HCN1: variants seen among roughly 807,000 people sequenced by gnomAD.
HCN1 encodes potassium/sodium hyperpolarization-activated cyclic nucleotide-gated channel 1.
HCN1 carries 13 observed loss-of-function variants against 78.9 expected under a neutral mutation model. That is an observed-to-expected ratio of 0.16 (90% CI 0.11 to 0.26). The LOEUF (loss-of-function observed/expected upper bound fraction) is 0.26. Ranked by LOEUF, HCN1 falls within the 10% of genes least tolerant of loss-of-function variation. The pLI, the probability that HCN1 is intolerant of heterozygous loss-of-function variation, is 1.00. For synonymous variants in HCN1, 552 were observed against 455.5 expected (o/e 1.21, Z -2.70); for missense variants, 810 against 1,154.3 (o/e 0.70, Z 4.32).
chr5:45,622,532 GGAGA>G (rs898834943), intron 2 of HCN1, among the ~76,000 whole-genome samples: 6 of 151,952 alleles, frequency 3.9e-5, no homozygotes, highest in Middle Eastern at 3.2e-3. Flanking sequence ...AGAGCCAGCT[GGAGA>G]GAGAGAGACA....
At chr5:45,488,007 T>C (rs994955248) in intron 2 of HCN1, among the ~76,000 whole-genome samples, 2 of 152,072 alleles carry the variant, frequency 1.3e-5, no homozygotes, top group Non-Finnish European at 2.9e-5. Flanking sequence ...GACTAGAGAG[T>C]ATACAACGTG....
At chr5:45,351,140 AG>A in intron 5 of HCN1, among the ~76,000 whole-genome samples, 1 of 152,268 alleles carries the variant, frequency 6.6e-6, no homozygotes, top group East Asian at 1.9e-4. Context: ...ACAAGTCTAC[AG>A]TAACCAAAAC....
At chr5:45,494,008 C>T (rs1229122943) in intron 2 of HCN1, among the ~76,000 whole-genome samples, 4 of 152,092 alleles carry the variant, frequency 2.6e-5, no homozygotes, top group East Asian at 1.9e-4. Context: ...CATTGTTGGA[C>T]ATTTGGCTTG....
chr5:45,495,769 C>T (rs867286404), intron 2 of HCN1, among the ~76,000 whole-genome samples: 107 of 152,222 alleles, frequency 7.0e-4, no homozygotes, highest in Middle Eastern at 3.4e-3. Context: ...TTTTGAAATA[C>T]GTCCCATGAA....
In HCN1 at chr5:45,332,440, AT is replaced by A. The variant is rs879828826; in HGVS notation, c.1377+20659del. On this transcript the variant is annotated intron_variant, in intron 5 of 7. Transcript: ENST00000303230. ...ATACTAGATCTTATTCATTCTTTCT[AT>A]TTTTTTTTTTCGTACCCATTAACCA... Among the ~76,000 whole-genome samples, 995 of 143,556 alleles carry A rather than the reference AT, an allele frequency of 6.9e-3. 5 individuals are homozygous for A. The highest frequency in any genetic ancestry group is 9.6e-3 in the Non-Finnish European group (622 of 64,982). The allele number at this position is 143,556 out of a possible 152,430, so 94.2% of individuals were successfully genotyped here.
intron 2 of HCN1, among the ~76,000 whole-genome samples, chr5:45,544,849 C>T (rs1459461787): frequency 1.3e-5 from 2 of 152,016 alleles, no homozygotes; most frequent in East Asian, 1.9e-4. Flanking sequence ...CAGTCTATCA[C>T]TGATGGACAT....
intron 1 of HCN1, among the ~76,000 whole-genome samples, chr5:45,663,629 C>T (rs895171396): frequency 3.3e-4 from 50 of 149,684 alleles, no homozygotes; most frequent in Non-Finnish European, 5.5e-4. Flanking sequence ...CAAACAACCC[C>T]ATCAAAAAGT....
At chr5:45,392,740 C>T (rs191646179) in intron 4 of HCN1, among the ~76,000 whole-genome samples, 5 of 151,202 alleles carry the variant, frequency 3.3e-5, no homozygotes, top group East Asian at 1.9e-4. Context: ...GAGCCAAGAT[C>T]GCGCCACAGC....
intron 2 of HCN1, among the ~76,000 whole-genome samples, chr5:45,619,637 G>C (rs80324452): frequency 2.0e-5 from 3 of 151,222 alleles, no homozygotes; most frequent in African/African-American, 4.9e-5. Flanking sequence ...AAGAAATGAG[G>C]GAGATAGAAA....
intron 1 of HCN1, among the ~76,000 whole-genome samples, chr5:45,647,859 C>T (rs184478984): frequency 6.6e-6 from 1 of 152,304 alleles, no homozygotes; most frequent in Non-Finnish European, 1.5e-5. Context: ...TCCAATTGAT[C>T]ACCAAGGCTG....
intron 2 of HCN1, among the ~76,000 whole-genome samples, chr5:45,604,417 A>T (rs2111968895): frequency 6.6e-6 from 1 of 152,076 alleles, no homozygotes; most frequent in African/African-American, 2.4e-5. Flanking sequence ...AGTTAGGAAC[A>T]TGAAAGAAAG....
Position 45,684,132 on chromosome 5 carries a change from C to T in HCN1, c.425+11537G>A, listed in dbSNP as rs888920597. Among the ~76,000 whole-genome samples the T allele has an allele frequency of 2.0e-5, 3 of 152,258 alleles. No homozygotes were observed. The East Asian group carries it at 5.8e-4, about 29-fold the overall frequency. On this transcript the variant is annotated intron_variant, in intron 1 of 7. Transcript: ENST00000303230. ...AAATAAATGTGCTTCAAGGAAACTACAAATCTTTGAAATTACAGGCAAAAT... is the reference window on the plus strand; with the variant it reads ...AAATAAATGTGCTTCAAGGAAACTATAAATCTTTGAAATTACAGGCAAAAT...
chr5:45,695,601 C>A, intron 1 of HCN1, 68 bp downstream of exon 1: 1 of 1,528,594 alleles, frequency 6.5e-7, no homozygotes, highest in Non-Finnish European at 9.0e-7. Context: ...GCCCCCCACC[C>A]AAGGGCGGGG....
chr5:45,375,359 T>C (rs1324267651), intron 4 of HCN1, among the ~76,000 whole-genome samples: 3 of 125,728 alleles, frequency 2.4e-5, no homozygotes, highest in Non-Finnish European at 3.1e-5. Context: ...TATAATATTT[T>C]ATGATATACA....
intron 2 of HCN1, among the ~76,000 whole-genome samples, chr5:45,562,384 A>G (rs1259168076): frequency 6.6e-6 from 1 of 152,090 alleles, no homozygotes; most frequent in Non-Finnish European, 1.5e-5. Flanking sequence ...AATTTAGGTA[A>G]ATTCTAGCTG....
At chr5:45,381,150 A>C (rs1340301646) in intron 4 of HCN1, among the ~76,000 whole-genome samples, 1 of 152,182 alleles carries the variant, frequency 6.6e-6, no homozygotes, top group African/African-American at 2.4e-5. Context: ...TGAAGAACAT[A>C]GCTTGTTAAG....
intron 2 of HCN1, among the ~76,000 whole-genome samples, chr5:45,599,443 G>A (rs1744578757): frequency 1.3e-5 from 2 of 152,058 alleles, no homozygotes. Context: ...AGCATTAGGA[G>A]AAATACCTAA....
chr5:45,344,107 A>T (rs1305878951), intron 5 of HCN1, among the ~76,000 whole-genome samples: 1 of 152,256 alleles, frequency 6.6e-6, no homozygotes, highest in South Asian at 2.1e-4. Context: ...GGAAGCAAAC[A>T]TGTCCTTCTT....
At chr5:45,449,460 G>T (rs1740866437) in intron 3 of HCN1, among the ~76,000 whole-genome samples, 2 of 151,964 alleles carry the variant, frequency 1.3e-5, no homozygotes, top group Non-Finnish European at 2.9e-5. Context: ...TGTCAACTAG[G>T]CATGCCAAGA....
Sources: gnomAD v4.1 joint callset for allele counts (sites outside exome capture counted in the v4.1 genomes callset) on GRCh38, gnomAD v4.1.1 for gene constraint, MANE v1.5 for transcripts, NCBI Gene and HGNC (gene_info 2026-07-23, HGNC 2026-07-21) for gene names.